Variants in CTNNA3 observed in about 807,000 individuals in gnomAD.
CTNNA3 encodes catenin alpha 3, also known as catenin alpha-3.
A neutral mutation model predicts 95.7 loss-of-function variants in CTNNA3; 76 were observed. That is an observed-to-expected ratio of 0.79 (90% confidence interval 0.66 to 0.96). The LOEUF (loss-of-function observed/expected upper bound fraction) is 0.96, where lower values mean the gene tolerates loss of function less well. Ranked by LOEUF, CTNNA3 falls within the 40% of genes least tolerant of loss-of-function variation. The pLI is 0.00. For synonymous variants in CTNNA3, 431 were observed against 374.4 expected (o/e 1.15, Z -1.74); for missense variants, 1,191 against 1,089.8 (o/e 1.09, Z -1.31).
At chr10:66,982,168 A>G (rs1294936739) in intron 7 of CTNNA3, among the ~76,000 whole-genome samples, 1 of 152,232 alleles carries the variant, frequency 6.6e-6, no homozygotes, top group Admixed American at 6.5e-5. Context: ...CAGTTTGAAC[A>G]GCAGAGTTAT....
chr10:66,612,564 G>C (rs1464417969), intron 10 of CTNNA3, among the ~76,000 whole-genome samples: 1 of 152,048 alleles, frequency 6.6e-6, no homozygotes, highest in Non-Finnish European at 1.5e-5. Flanking sequence ...AGACTGGACT[G>C]GGGGAGGTGG....
chr10:66,677,819 A>C (rs552741025), intron 9 of CTNNA3, among the ~76,000 whole-genome samples: 4 of 152,254 alleles, frequency 2.6e-5, no homozygotes, highest in African/African-American at 9.6e-5. Flanking sequence ...TAGCAGTGTG[A>C]GAATAGACTA....
intron 5 of CTNNA3, among the ~76,000 whole-genome samples, chr10:67,264,566 A>G (rs1866742286): frequency 6.6e-6 from 1 of 152,172 alleles, no homozygotes; most frequent in Non-Finnish European, 1.5e-5. Context: ...CAAAATTCAT[A>G]AGAGCTACAA....
intron 12 of CTNNA3, among the ~76,000 whole-genome samples, chr10:66,324,581 C>T (rs545237387): frequency 6.6e-6 from 1 of 152,272 alleles, no homozygotes; most frequent in South Asian, 2.1e-4. Flanking sequence ...GCCCAAAGCA[C>T]TGGCCCCAGC....
chr10:67,493,814 GAAGA>G (rs1046441531), intron 5 of CTNNA3, among the ~76,000 whole-genome samples: 6 of 152,160 alleles, frequency 3.9e-5, no homozygotes, highest in African/African-American at 1.4e-4. Context: ...ATGAGGAAAA[GAAGA>G]AAGACAGGAC....
chr10:67,251,753 T>C (rs1468811893), intron 5 of CTNNA3, among the ~76,000 whole-genome samples: 2 of 152,128 alleles, frequency 1.3e-5, no homozygotes, highest in Non-Finnish European at 2.9e-5. Context: ...TAGAGCCCCT[T>C]CTAGAATTTG....
At chr10:67,054,980 C>CA (rs1486501884) in intron 7 of CTNNA3, 2 of 151,654 alleles carry the variant, frequency 1.3e-5, no homozygotes, top group Non-Finnish European at 3.0e-5. Flanking sequence ...AACTTTCCTC[C>CA]AAAAATCTTA....
chr10:67,329,634 G>T (rs915602258), intron 5 of CTNNA3, among the ~76,000 whole-genome samples: 1 of 152,082 alleles, frequency 6.6e-6, no homozygotes, highest in Non-Finnish European at 1.5e-5. Context: ...TCAAATAGAT[G>T]ATTCTAAATA....
At chr10:67,385,332 G>A (rs1844112505) in intron 5 of CTNNA3, among the ~76,000 whole-genome samples, 1 of 152,160 alleles carries the variant, frequency 6.6e-6, no homozygotes, top group African/African-American at 2.4e-5. Flanking sequence ...ATGCAAGAAT[G>A]GGACTTTTTA....
intron 13 of CTNNA3, among the ~76,000 whole-genome samples, chr10:66,203,978 C>A (rs1341161705): frequency 6.6e-6 from 1 of 152,060 alleles, no homozygotes; most frequent in African/African-American, 2.4e-5. Context: ...CATCTAAAAA[C>A]CACAAATTCT....
chr10:66,199,787 ATATATATATATATATATATTTTTTTTTT>A (rs1363709551), intron 13 of CTNNA3, among the ~76,000 whole-genome samples: 8 of 12,244 alleles, frequency 6.5e-4, no homozygotes, highest in South Asian at 4.5e-3. Context: ...ATATATATAT[ATATATATATATATATATATTTTTTTTTT>A]TTTTTTTTTT....
At chr10:67,690,134 G>A (rs368214022) in intron 1 of CTNNA3, among the ~76,000 whole-genome samples, 5 of 152,116 alleles carry the variant, frequency 3.3e-5, no homozygotes, top group East Asian at 1.9e-4. Flanking sequence ...CGGTGGGTTC[G>A]TGGTCTTGCT....
intron 5 of CTNNA3, among the ~76,000 whole-genome samples, chr10:67,344,229 T>C (rs953406984): frequency 6.6e-6 from 1 of 151,988 alleles, no homozygotes; most frequent in Non-Finnish European, 1.5e-5. Flanking sequence ...AATTGTTGAA[T>C]TTGGTTTGCT....
At chr10:66,067,347 C>G (rs2080334249) in intron 15 of CTNNA3, among the ~76,000 whole-genome samples, 1 of 152,086 alleles carries the variant, frequency 6.6e-6, no homozygotes, top group Non-Finnish European at 1.5e-5. Context: ...TTCAGAGAAG[C>G]CAAGAAAAAT....
At chr10:66,527,093 T>C (rs1841294679) in intron 10 of CTNNA3, among the ~76,000 whole-genome samples, 1 of 152,190 alleles carries the variant, frequency 6.6e-6, no homozygotes, top group Non-Finnish European at 1.5e-5. Flanking sequence ...CATTTTGAGT[T>C]AAGTTTTGTA....
chr10:66,126,269 A>G (rs1047749079), intron 13 of CTNNA3, among the ~76,000 whole-genome samples: 1 of 152,242 alleles, frequency 6.6e-6, no homozygotes, highest in Non-Finnish European at 1.5e-5. Context: ...TACTGAAATT[A>G]AACAGTTAGG....
chr10:66,157,534 G>C (rs2084605811), intron 13 of CTNNA3, among the ~76,000 whole-genome samples: 1 of 113,178 alleles, frequency 8.8e-6, no homozygotes, highest in African/African-American at 3.1e-5. Flanking sequence ...TAGATAGATA[G>C]ATAGATAATC....
chr10:66,801,194 A>G (rs552989583), intron 7 of CTNNA3, among the ~76,000 whole-genome samples: 1 of 151,530 alleles, frequency 6.6e-6, no homozygotes, highest in East Asian at 1.9e-4. Flanking sequence ...ACAAAGAAAA[A>G]ATGTCTCACA....
intron 1 of CTNNA3, among the ~76,000 whole-genome samples, chr10:67,668,096 CTA>C (rs1421805392): frequency 6.6e-6 from 1 of 152,102 alleles, no homozygotes. Context: ...CTCTCCTGAA[CTA>C]TGTCTCACTC....
Sources: gnomAD v4.1 joint callset for allele counts (sites outside exome capture counted in the v4.1 genomes callset) on GRCh38, gnomAD v4.1.1 for gene constraint, MANE v1.5 for transcripts, NCBI Gene and HGNC (gene_info 2026-07-23, HGNC 2026-07-21) for gene names.